The following ANKS1B variants were observed in gnomAD, a reference collection of about 807,000 sequenced individuals.
ANKS1B encodes ankyrin repeat and sterile alpha motif domain-containing protein 1B.
Under a neutral mutation model 148.3 loss-of-function variants are expected in ANKS1B, and 36 were observed. That is an observed-to-expected ratio of 0.24 (90% CI 0.19 to 0.32). ANKS1B has a LOEUF of 0.32. ANKS1B is among the 10% of genes least tolerant of loss of function. The pLI, the probability that ANKS1B is intolerant of heterozygous loss-of-function variation, is 1.00. For synonymous variants in ANKS1B, 542 were observed against 560.8 expected (o/e 0.97, Z 0.47); for missense variants, 1,157 against 1,542.6 (o/e 0.75, Z 4.19).
At chr12:99,534,184 G>A (rs1022847111) in intron 9 of ANKS1B, among the ~76,000 whole-genome samples, 9 of 152,174 alleles carry the variant, frequency 5.9e-5, no homozygotes, top group Non-Finnish European at 1.5e-5. Flanking sequence ...ATGACAATAT[G>A]AAAATATGTT....
chr12:99,423,594 T>C (rs1412086376), intron 11 of ANKS1B, among the ~76,000 whole-genome samples: 1 of 152,066 alleles, frequency 6.6e-6, no homozygotes, highest in African/African-American at 2.4e-5. Context: ...TAAATGCCTG[T>C]CATTGGTAGA....
chr12:99,198,473 C>T (rs987993959), intron 14 of ANKS1B, among the ~76,000 whole-genome samples: 1 of 152,212 alleles, frequency 6.6e-6, no homozygotes, highest in African/African-American at 2.4e-5. Context: ...TGGAAATCAA[C>T]GAGTAGTAGG....
chr12:99,349,897 T>C (rs2091204762), intron 12 of ANKS1B, among the ~76,000 whole-genome samples: 1 of 152,044 alleles, frequency 6.6e-6, no homozygotes, highest in Non-Finnish European at 1.5e-5. Flanking sequence ...ACTGTGAATA[T>C]ACTAAATGCC....
At chr12:99,328,272 A>C (rs1216998222) in intron 12 of ANKS1B, among the ~76,000 whole-genome samples, 1 of 151,992 alleles carries the variant, frequency 6.6e-6, no homozygotes, top group Non-Finnish European at 1.5e-5. Flanking sequence ...TGAACTTGAC[A>C]GTCTGAGAAG....
intron 2 of ANKS1B, among the ~76,000 whole-genome samples, chr12:99,812,704 T>A (rs1236098367): frequency 6.6e-6 from 1 of 151,576 alleles, no homozygotes. Context: ...CTCCCATTTT[T>A]TTTTTTAAAA....
intron 14 of ANKS1B, among the ~76,000 whole-genome samples, chr12:99,199,265 A>T (rs969586098): frequency 2.0e-5 from 3 of 152,242 alleles, no homozygotes; most frequent in Non-Finnish European, 2.9e-5. Flanking sequence ...GCAGTTTTAG[A>T]TAACTAGTTT....
intron 17 of ANKS1B, chr12:98,956,532 T>A (rs1185450849): frequency 6.6e-6 from 1 of 152,182 alleles, no homozygotes; most frequent in East Asian, 1.9e-4. Context: ...TGCTTATCTC[T>A]TAGATTTATT....
intron 12 of ANKS1B, among the ~76,000 whole-genome samples, chr12:99,308,072 T>C (rs553582323): frequency 1.2e-4 from 19 of 152,232 alleles, no homozygotes; most frequent in East Asian, 1.9e-4. Flanking sequence ...AAATGAATGA[T>C]TGTGACTCGT....
At position 99,410,424 on chromosome 12, in the gene ANKS1B, C is replaced by T. The variant is rs1293766555; in HGVS notation, c.1576-10613G>A. ...GTGGTTCACGCCTGTAATCCCAGCA[C>T]TTTGGGAGGCCGAGGTGGGCGGATC... is the stretch of plus-strand genomic sequence containing the variant. On this transcript the variant is annotated intron_variant, in intron 11 of 26. Transcript: ENST00000683438. 2.0e-5 allele frequency among the ~76,000 whole-genome samples: 3 copies of T among 152,088 alleles called. No homozygotes were observed. In the East Asian group the frequency reaches 5.8e-4, roughly 29 times the overall value.
downstream of ANKS1B, chr12:98,743,967 G>T: frequency 1.0e-6 from 1 of 978,406 alleles, no homozygotes; most frequent in Non-Finnish European, 1.2e-6. Context: ...ACGATGCCAA[G>T]CACCACTGCT....
At chr12:99,205,614 G>T (rs1232625520) in intron 14 of ANKS1B, among the ~76,000 whole-genome samples, 2 of 152,104 alleles carry the variant, frequency 1.3e-5, no homozygotes, top group Non-Finnish European at 2.9e-5. Context: ...TTGGACTCCG[G>T]TCTTTTTGCA....
At chr12:99,821,599 T>C (rs1440976107) in intron 2 of ANKS1B, among the ~76,000 whole-genome samples, 2 of 152,066 alleles carry the variant, frequency 1.3e-5, no homozygotes, top group African/African-American at 2.4e-5. Flanking sequence ...ATATGAATGC[T>C]AATCCATTTT....
chr12:99,327,689 T>A (rs1043284355), intron 12 of ANKS1B, among the ~76,000 whole-genome samples: 2 of 149,760 alleles, frequency 1.3e-5, no homozygotes, highest in Non-Finnish European at 3.0e-5. Context: ...AAAATAAAAG[T>A]CGGTTTTCTT....
At chr12:98,919,567 A>T (rs2099798661) in intron 17 of ANKS1B, among the ~76,000 whole-genome samples, 1 of 152,234 alleles carries the variant, frequency 6.6e-6, no homozygotes, top group Non-Finnish European at 1.5e-5. Context: ...TTACAATGGG[A>T]CACAAACACA....
At chr12:99,751,505 C>A (rs778165065) in intron 8 of ANKS1B, among the ~76,000 whole-genome samples, 5 of 151,992 alleles carry the variant, frequency 3.3e-5, no homozygotes, top group Non-Finnish European at 7.4e-5. Context: ...CAAAAAAGAA[C>A]TACCCCAGGC....
At position 99,465,283 on chromosome 12, in the gene ANKS1B, C is replaced by T. The variant is rs2152877010; in HGVS notation, c.1439-21474G>A. On this transcript the variant is annotated intron_variant, in intron 10 of 26. Coordinates refer to ENST00000683438, the MANE Select transcript of ANKS1B (RefSeq NM_001352186.2). ...CACCAGGCCTGCCCTAAAAGAGCTC[C>T]TGAAGGAAGCACTAAACATGGAAAG... is the stretch of plus-strand genomic sequence containing the variant. Among the ~76,000 whole-genome samples, 3 of 152,252 alleles carry T rather than the reference C, an allele frequency of 2.0e-5. No individual in the cohort carries two copies. The Middle Eastern group carries it at 0.01, about 518-fold the overall frequency.
At chr12:99,872,090 T>G (rs2091588587) in intron 1 of ANKS1B, among the ~76,000 whole-genome samples, 1 of 152,130 alleles carries the variant, frequency 6.6e-6, no homozygotes, top group African/African-American at 2.4e-5. Flanking sequence ...TGTACTAGGA[T>G]GGCTAAAATT....
chr12:99,640,830 T>A (rs2098295921), intron 9 of ANKS1B, among the ~76,000 whole-genome samples: 1 of 152,196 alleles, frequency 6.6e-6, no homozygotes, highest in Non-Finnish European at 1.5e-5. Context: ...TGCAAACTAT[T>A]CTACAGGAAC....
intron 8 of ANKS1B, among the ~76,000 whole-genome samples, chr12:99,730,447 A>G (rs1464756907): frequency 2.6e-5 from 4 of 152,128 alleles, no homozygotes; most frequent in African/African-American, 7.2e-5. Flanking sequence ...GTAGCCTCCA[A>G]CTTTTTTGGC....
Sources: gnomAD v4.1 joint callset for allele counts (sites outside exome capture counted in the v4.1 genomes callset) on GRCh38, gnomAD v4.1.1 for gene constraint, MANE v1.5 for transcripts, NCBI Gene and HGNC (gene_info 2026-07-23, HGNC 2026-07-21) for gene names.